The following JAKMIP3 variants were observed in gnomAD, a reference collection of about 807,000 sequenced individuals.
JAKMIP3 encodes Janus kinase and microtubule interacting protein 3.
A neutral mutation model predicts 118.5 loss-of-function variants in JAKMIP3; 58 were observed. The ratio of observed to expected loss-of-function variants is 0.49; its 90% CI spans 0.40 to 0.61. JAKMIP3 has a LOEUF of 0.61. Among genes scored for constraint, JAKMIP3 ranks in the 20% least tolerant of loss-of-function variants. The pLI, the probability that JAKMIP3 is intolerant of heterozygous loss-of-function variation, is 0.00. For synonymous variants in JAKMIP3, 486 were observed against 451.2 expected, an observed-to-expected ratio of 1.08 and a Z score of -0.98; for missense variants, 950 against 1,109.0, an observed-to-expected ratio of 0.86 and a Z score of 2.04.
rs760645669 is a variant in JAKMIP3 at position 132,117,445 on chromosome 10, G to A, written c.504G>A (p.Val168=). The change falls in exon 3 of 24, where the codon GTG becomes GTA. Residue 168 remains valine, a synonymous_variant. Transcript: ENST00000684848. This position sits in a 1 kb window ranked among gnomAD's most constrained non-coding sequence, Gnocchi z 8.6. The part of the protein sequence containing the change: ...ISELKGAKRQ[V]EEALTLVIQA... Reference sequence around the variant, plus strand: ...AGCTCAAGGGCGCCAAAAGGCAGGTGGAGGAGGCGCTGACGCTGGTGATCC... The same window carrying A: ...AGCTCAAGGGCGCCAAAAGGCAGGTAGAGGAGGCGCTGACGCTGGTGATCC... 1.1e-5 allele frequency: 18 copies of A among 1,613,890 alleles called. No homozygotes were observed. The highest frequency in any genetic ancestry group is 1.7e-4 in the Middle Eastern group (1 of 6,058).
intron 1 of JAKMIP3, among the ~76,000 whole-genome samples, chr10:132,050,641 G>C (rs972854929): frequency 6.6e-6 from 1 of 152,012 alleles, no homozygotes; most frequent in Non-Finnish European, 1.5e-5. Context: ...GATTTGGGGG[G>C]GGTTGATTAT....
At chr10:132,081,491 C>T (rs1367644774) in intron 1 of JAKMIP3, among the ~76,000 whole-genome samples, 5 of 152,142 alleles carry the variant, frequency 3.3e-5, no homozygotes, top group East Asian at 1.9e-4. Flanking sequence ...CACAGACCAG[C>T]GACTGCTCAC....
intron 1 of JAKMIP3, among the ~76,000 whole-genome samples, chr10:132,097,636 T>C (rs1187106605): frequency 6.6e-6 from 1 of 152,050 alleles, no homozygotes; most frequent in Non-Finnish European, 1.5e-5. Flanking sequence ...GCTGTGATAC[T>C]GTCCCGCTGT....
chr10:132,108,954 G>A lies in JAKMIP3; in HGVS notation c.135+4011G>A, dbSNP rs190225895. The stretch of plus-strand genomic sequence containing the variant: ...GCAAATGTATATATAAATTATATAC[G>A]CAAATGTATATATAAATTATATACG... On this transcript the variant is annotated intron_variant, in intron 2 of 23. Transcript: ENST00000684848. 1.8e-3 allele frequency among the ~76,000 whole-genome samples: 253 copies of A among 142,484 alleles called. 11 individuals are homozygous for A. The highest frequency in any genetic ancestry group is 6.7e-3 in the African/African-American group (237 of 35,270). 93.5% of individuals were successfully genotyped at this position (142,484 alleles called of 152,430 possible).
At chr10:132,099,965 C>T (rs183298685) in intron 1 of JAKMIP3, among the ~76,000 whole-genome samples, 1 of 152,206 alleles carries the variant, frequency 6.6e-6, no homozygotes, top group Admixed American at 6.5e-5. Context: ...CTGTGATTCC[C>T]GGTGAAGGGA....
chr10:132,076,551 C>A (rs2134096418), intron 1 of JAKMIP3, among the ~76,000 whole-genome samples: 1 of 152,340 alleles, frequency 6.6e-6, no homozygotes, highest in Non-Finnish European at 1.5e-5. Context: ...CCTATGGTGG[C>A]CCCAGTTCCA....
intron 19 of JAKMIP3, among the ~76,000 whole-genome samples, chr10:132,160,078 TGGGGGGGTCTCTTCCTGTGTGATGCA>T (rs2057896921): frequency 5.8e-4 from 1 of 1,726 alleles, no homozygotes; most frequent in Non-Finnish European, 8.1e-4. Flanking sequence ...TGTGTGATGC[TGGGGGGGTCTCTTCCTGTGTGATGCA>T]GGCGGTGGCC....
At chr10:132,160,453 C>G (rs1393238321) in intron 19 of JAKMIP3, among the ~76,000 whole-genome samples, 1 of 54,432 alleles carries the variant, frequency 1.8e-5, no homozygotes. Flanking sequence ...CTGGGGGGGT[C>G]TCTTCCTGTG....
rs541856382 is a variant in JAKMIP3 at position 132,174,195 on chromosome 10, C to A, written c.*1103+5162C>A. On this transcript the variant is annotated intron_variant, in intron 23 of 23. Coordinates refer to ENST00000684848, the MANE Select transcript of JAKMIP3 (RefSeq NM_001323087.2). ...CAACCCAGCCCCAACACAGACCGTC[C>A]CATCCCCAAGCTGCCTCCTGCTGCC... Among the ~76,000 whole-genome samples the A allele has an allele frequency of 5.9e-5, 9 of 151,274 alleles. No individual in the cohort carries two copies. In the East Asian group the frequency reaches 1.7e-3, roughly 29 times the overall value.
chr10:132,090,389 C>A (rs2042947754), intron 1 of JAKMIP3, among the ~76,000 whole-genome samples: 1 of 152,090 alleles, frequency 6.6e-6, no homozygotes, highest in South Asian at 2.1e-4. Flanking sequence ...AATTTCAGAG[C>A]CTGTTATTGG....
Position 132,180,536 on chromosome 10 carries a change from T to C in JAKMIP3, c.*1104-1821T>C, listed in dbSNP as rs867715944. Among the ~76,000 whole-genome samples, 52 of 34,520 alleles carry C rather than the reference T, an allele frequency of 1.5e-3. 4 individuals carry two copies. The highest frequency in any genetic ancestry group is 2.4e-3 in the African/African-American group (14 of 5,842). 22.6% of individuals were successfully genotyped at this position (34,520 alleles called of 152,430 possible). On this transcript the variant is annotated intron_variant, in intron 23 of 23. Transcript: ENST00000684848. ...CTGGAAGCAGAACTGTGTGTGTGTG[T>C]GTGTGTGTGCGTGCGTGCATGCGTG...
At chr10:132,115,196 C>T (rs1042885654) in intron 2 of JAKMIP3, among the ~76,000 whole-genome samples, 7 of 95,130 alleles carry the variant, frequency 7.4e-5, no homozygotes, top group African/African-American at 2.2e-4. Context: ...GGCAGGTCAC[C>T]GCGATCGCGG....
At chr10:132,040,091 G>A (rs978296325) in intron 1 of JAKMIP3, among the ~76,000 whole-genome samples, 9 of 152,304 alleles carry the variant, frequency 5.9e-5, no homozygotes, top group South Asian at 2.1e-4. Flanking sequence ...CACAGGTTGC[G>A]CTCTGACCCC....
intron 8 of JAKMIP3, 124 bp downstream of exon 8, chr10:132,137,413 G>GA: frequency 8.0e-7 from 1 of 1,245,796 alleles, no homozygotes; most frequent in Non-Finnish European, 1.1e-6. Flanking sequence ...CTTTCGGGTG[G>GA]ATTTTGTTGT....
At chr10:132,081,737 T>A (rs2041789139) in intron 1 of JAKMIP3, among the ~76,000 whole-genome samples, 1 of 152,038 alleles carries the variant, frequency 6.6e-6, no homozygotes, top group Non-Finnish European at 1.5e-5. Context: ...TTTGTGGTTC[T>A]GCTGAGCCAA....
intron 23 of JAKMIP3, among the ~76,000 whole-genome samples, chr10:132,175,686 G>A (rs1023812573): frequency 6.6e-6 from 1 of 152,200 alleles, no homozygotes; most frequent in Non-Finnish European, 1.5e-5. Context: ...TCTGAGCTGG[G>A]TCACAGACTG....
chr10:132,174,654 A>G (rs538682784), intron 23 of JAKMIP3, among the ~76,000 whole-genome samples: 4 of 152,128 alleles, frequency 2.6e-5, no homozygotes, highest in Non-Finnish European at 4.4e-5. Flanking sequence ...GCTGGATTAC[A>G]TGGTGAGTGC....
chr10:132,161,100 TG>T (rs1412659682), intron 19 of JAKMIP3, among the ~76,000 whole-genome samples: 17 of 64,084 alleles, frequency 2.7e-4, no homozygotes, highest in East Asian at 2.2e-3. Context: ...TGTGTGATGC[TG>T]GGGGGGGTCT....
At chr10:132,153,070 G>T (rs373630274) in intron 17 of JAKMIP3, 47 bp downstream of exon 17, 2 of 1,473,468 alleles carry the variant, frequency 1.4e-6, no homozygotes. Context: ...GGCTCCTGGG[G>T]TCTCCTGCCC....
Sources: gnomAD v4.1 joint callset for allele counts (sites outside exome capture counted in the v4.1 genomes callset) on GRCh38, gnomAD v4.1.1 for gene constraint, Gnocchi (gnomAD v3.1) non-coding constraint, MANE v1.5 for transcripts, NCBI Gene and HGNC (gene_info 2026-07-23, HGNC 2026-07-21) for gene names.